Variants in GRK5 observed in about 807,000 individuals in gnomAD.
GRK5 encodes the protein g protein-coupled receptor kinase GRK5.
Under a neutral mutation model 78.4 loss-of-function variants are expected in GRK5, and 40 were observed. The ratio of observed to expected loss-of-function variants is 0.51; its 90% confidence interval spans 0.40 to 0.66. The LOEUF is 0.66. Among genes scored for constraint, GRK5 ranks in the 30% least tolerant of loss-of-function variants. The probability of loss-of-function intolerance (pLI) is 0.00; values close to 1 mark genes in which losing one functional copy is unlikely to be tolerated. For missense variants in GRK5, 598 were observed against 759.9 expected (o/e 0.79, Z 2.50); for synonymous variants, 289 against 296.8 (o/e 0.97, Z 0.27).
In GRK5 at chr10:119,357,591, T is replaced by A. The variant is rs535628476; in HGVS notation, c.149-23224T>A. ...TTGGCTTGGTTGCCTTCCAGAGGCC[T>A]GCATCCAGGTGCCAGGGAAATTCTG... On this transcript the variant is annotated intron_variant, in intron 2 of 15. Transcript: ENST00000392870. Among the ~76,000 whole-genome samples the A allele has an allele frequency of 2.6e-5, 4 of 152,324 alleles. No homozygotes were observed. In the South Asian group the frequency reaches 6.2e-4, roughly 24 times the overall value.
At chr10:119,220,652 T>C (rs560009623) in intron 1 of GRK5, among the ~76,000 whole-genome samples, 20 of 151,234 alleles carry the variant, frequency 1.3e-4, no homozygotes, top group Non-Finnish European at 2.8e-4. Context: ...CTGGCCAACA[T>C]GGCAAAACCC....
intron 6 of GRK5, among the ~76,000 whole-genome samples, chr10:119,425,567 G>T (rs1257368644): frequency 2.0e-5 from 3 of 152,146 alleles, no homozygotes; most frequent in Non-Finnish European, 4.4e-5. Context: ...GGGTCAGAAG[G>T]CACCTGATTT....
chr10:119,306,781 TC>T (rs1850278079), intron 1 of GRK5, among the ~76,000 whole-genome samples: 1 of 152,078 alleles, frequency 6.6e-6, no homozygotes, highest in African/African-American at 2.4e-5. Flanking sequence ...GGGGAGCACT[TC>T]CCCTCTTCTC....
Position 119,430,258 on chromosome 10 carries a change from CT to C in GRK5, c.534-116del. On this transcript the variant is annotated intron_variant, in intron 6 of 15. Coordinates refer to ENST00000392870, the MANE Select transcript of GRK5 (RefSeq NM_005308.3). The surrounding 1 kb of genome is among the most constrained non-coding windows in gnomAD (Gnocchi z 4.5). ...GATGATTCCTGGGGGGTCCCTGGGG[CT>C]GCTGTGGGGCTCCTGGAATTATACC... 2.3e-6 allele frequency: 2 copies of C among 852,066 alleles called. No individual in the cohort carries two copies. Among genetic ancestry groups the C allele is most frequent in the South Asian group, 2.8e-5 (2 of 71,054 alleles). The allele number at this position is 852,066 out of a possible 1,614,324, so 52.8% of individuals were successfully genotyped here.
intron 2 of GRK5, among the ~76,000 whole-genome samples, chr10:119,338,882 T>G (rs563417785): frequency 4.6e-5 from 7 of 152,360 alleles, no homozygotes; most frequent in African/African-American, 1.7e-4. Context: ...TATATTCTAC[T>G]ATTTGGGTTT....
At chr10:119,330,543 G>A (rs1850757675) in intron 2 of GRK5, among the ~76,000 whole-genome samples, 2 of 152,148 alleles carry the variant, frequency 1.3e-5, no homozygotes, top group Admixed American at 6.6e-5. Flanking sequence ...TGTGTTGCAG[G>A]GAGGATGCGG....
chr10:119,413,812 C>T (rs546987865), intron 4 of GRK5, among the ~76,000 whole-genome samples: 21 of 152,294 alleles, frequency 1.4e-4, no homozygotes, highest in African/African-American at 3.9e-4. Context: ...TCTCAGGGGC[C>T]GTGACTGTTA....
intron 1 of GRK5, among the ~76,000 whole-genome samples, chr10:119,268,917 T>C (rs928668): frequency 0.99 from 151,555 of 152,320 alleles, 75,404 homozygotes; most frequent in Non-Finnish European, 1. Flanking sequence ...GGGTGACTTG[T>C]GAGTAGATAA....
intron 13 of GRK5, among the ~76,000 whole-genome samples, chr10:119,451,893 C>T (rs1182914077): frequency 6.6e-6 from 1 of 152,198 alleles, no homozygotes; most frequent in Non-Finnish European, 1.5e-5. Flanking sequence ...GTAGCCTCTA[C>T]CCTCCAGTGA....
intron 4 of GRK5, among the ~76,000 whole-genome samples, chr10:119,414,980 G>A (rs1262988648): frequency 6.7e-6 from 1 of 150,040 alleles, no homozygotes; most frequent in African/African-American, 2.5e-5. Context: ...TACTCAGAAG[G>A]CTGAGGCATG....
intron 4 of GRK5, among the ~76,000 whole-genome samples, chr10:119,416,333 G>C (rs1852451638): frequency 6.6e-6 from 1 of 152,258 alleles, no homozygotes; most frequent in Admixed American, 6.5e-5. Flanking sequence ...CATCCTCGGG[G>C]CTGATAACTC....
intron 2 of GRK5, among the ~76,000 whole-genome samples, chr10:119,370,355 G>A (rs1038532270): frequency 6.6e-6 from 1 of 152,098 alleles, no homozygotes; most frequent in African/African-American, 2.4e-5. Context: ...TAATAATTTC[G>A]ATCCCACAGA....
chr10:119,455,504 T>A lies in GRK5; in HGVS notation c.*437T>A, dbSNP rs1320139383. The stretch of plus-strand genomic sequence containing the variant: ...TTTCTGTGCAGCCACTGTTAAGCCA[T>A]GTGTTCCAAGGCATTTTAGCGGGGA... On this transcript the variant is annotated 3_prime_UTR_variant, in exon 16 of 16. Coordinates refer to ENST00000392870, the MANE Select transcript of GRK5 (RefSeq NM_005308.3). 6.1e-6 allele frequency: 2 copies of A among 325,252 alleles called. No individual in the cohort carries two copies. Among genetic ancestry groups the A allele is most frequent in the East Asian group, 1.9e-4 (2 of 10,312 alleles). The allele number at this position is 325,252 out of a possible 1,614,324, so 20.1% of individuals were successfully genotyped here.
chr10:119,342,653 C>T (rs756473461), intron 2 of GRK5, among the ~76,000 whole-genome samples: 2 of 152,104 alleles, frequency 1.3e-5, no homozygotes, highest in Admixed American at 1.3e-4. Flanking sequence ...TGCCAGGTCC[C>T]GCCAGCTTAA....
chr10:119,439,790 A>C (rs773252918), intron 10 of GRK5, 22 bp downstream of exon 10: 1 of 1,611,834 alleles, frequency 6.2e-7, no homozygotes, highest in South Asian at 1.1e-5. Flanking sequence ...CCTACTCGGT[A>C]GCTGAGGTGA....
chr10:119,389,801 A>AACACAC (rs66652162), intron 3 of GRK5, among the ~76,000 whole-genome samples: 2,246 of 149,710 alleles, frequency 0.015, 40 homozygotes, highest in African/African-American at 0.04. Context: ...GATCATGAGC[A>AACACAC]ACACACACAC....
At position 119,251,357 on chromosome 10, in the gene GRK5, A is replaced by G. The variant is rs545455020; in HGVS notation, c.52+43388A>G. ...TCTTGTTCAATCAGATTTCAAAGGC[A>G]GCACAAGCTGGATGTTTATGGCATC... On this transcript the variant is annotated intron_variant, in intron 1 of 15. Transcript: ENST00000392870. Among the ~76,000 whole-genome samples, 46 of 152,364 alleles carry G rather than the reference A, an allele frequency of 3.0e-4. No homozygotes were observed. The South Asian group carries it at 8.9e-3, about 29-fold the overall frequency.
rs1379723578 is a variant in GRK5 at position 119,253,446 on chromosome 10, T to C, written c.52+45477T>C. ...CCACCCCTGCCCTCCGTTCCTTTTA[T>C]ATTTAAATCAGAAGCTTAGGCTCCT... On this transcript the variant is annotated intron_variant, in intron 1 of 15. Transcript: ENST00000392870. This position sits in a 1 kb window ranked among gnomAD's most constrained non-coding sequence, Gnocchi z 5.7. 6.6e-6 allele frequency among the ~76,000 whole-genome samples: 1 copy of C among 152,230 alleles called. No individual in the cohort carries two copies. Among genetic ancestry groups the C allele is most frequent in the Non-Finnish European group, 1.5e-5 (1 of 68,048 alleles).
intron 1 of GRK5, among the ~76,000 whole-genome samples, chr10:119,259,911 T>C (rs1397621600): frequency 6.6e-6 from 1 of 152,236 alleles, no homozygotes; most frequent in Non-Finnish European, 1.5e-5. Flanking sequence ...ACTATAAGCA[T>C]TCACGAACAG....
Sources: allele counts gnomAD v4.1 joint callset (sites outside exome capture counted in the v4.1 genomes callset), GRCh38; gene constraint gnomAD v4.1.1; non-coding constraint Gnocchi (gnomAD v3.1); transcripts MANE v1.5; gene names NCBI Gene and HGNC (gene_info 2026-07-23, HGNC 2026-07-21).